Variants in SEC16A observed in about 807,000 individuals in gnomAD.
The protein encoded by SEC16A is protein transport protein Sec16A.
SEC16A carries 110 observed loss-of-function variants against 221.9 expected under a neutral mutation model. The observed-to-expected ratio is 0.50, with a 90% CI of 0.42 to 0.58. The LOEUF (loss-of-function observed/expected upper bound fraction) is 0.58. SEC16A is among the 20% of genes least tolerant of loss of function. The probability of loss-of-function intolerance (pLI) is 0.00; values close to 1 mark genes in which losing one functional copy is unlikely to be tolerated. For missense variants in SEC16A, 3,165 were observed against 3,097.8 expected (o/e 1.02, Z -0.52); for synonymous variants, 1,393 against 1,257.7 (o/e 1.11, Z -2.28).
At chr9:136,448,299 G>C in intron 23 of SEC16A, 138 bp from the exon 24 acceptor site, 1 of 748,762 alleles carries the variant, frequency 1.3e-6, no homozygotes, top group South Asian at 1.5e-5. Context: ...CAGGAGAATG[G>C]AGGTGGGAGC....
chr9:136,475,588 G>C lies in SEC16A; in HGVS notation c.2028C>G (p.Pro676=). Residue 676 remains proline (P), a synonymous_variant, in exon 3 of 32, where the codon CCC becomes CCG. Coordinates refer to ENST00000684901, the MANE Select transcript of SEC16A (RefSeq NM_014866.2). The surrounding 1 kb of genome is among the most constrained non-coding windows in gnomAD (Gnocchi z 5.0). Reference sequence around the variant, plus strand: ...CTTCCGTGGTGGAGTTAAGAGGCAGGGGACAGACCTGGGGTGCACAGAGGG... The same window carrying C: ...CTTCCGTGGTGGAGTTAAGAGGCAGCGGACAGACCTGGGGTGCACAGAGGG... ...METLCAPQVC[P]LPLNSTTEAV... 6.2e-7 allele frequency: 1 copy of C among 1,613,618 alleles called. No individual in the cohort carries two copies. The highest frequency in any genetic ancestry group is 8.5e-7 in the Non-Finnish European group (1 of 1,179,794).
intron 28 of SEC16A, 69 bp downstream of exon 28, chr9:136,446,786 C>A: frequency 6.7e-7 from 1 of 1,486,982 alleles, no homozygotes; most frequent in Admixed American, 2.2e-5. Flanking sequence ...AAGGCAAGGC[C>A]CTGTCTGGCA....
At position 136,464,509 on chromosome 9, in the gene SEC16A, T is replaced by A. The variant is rs1260127521; in HGVS notation, c.4357A>T (p.Arg1453Trp). The change falls in exon 9 of 32, where the codon AGG becomes TGG. Residue 1453 changes from arginine to tryptophan, a missense_variant. This residue lies in a region of SEC16A where 2,030 missense variants were observed against 1,923.1 expected (regional missense o/e 1.06). Transcript: ENST00000684901. ...ATAAGCTGACCGCCAGGGCCAAACC[T>A]GGCACAGACATGAGGCACTGAAAAT... The part of the protein sequence containing the change: ...EKFSVPHVCA[R>W]FGPGGQLIKV... 1 of 1,612,116 alleles carries A rather than the reference T, an allele frequency of 6.2e-7. No homozygotes were observed. The highest frequency in any genetic ancestry group is 1.7e-5 in the Admixed American group (1 of 59,994).
chr9:136,445,217 A>T (rs964320318), intron 29 of SEC16A, 106 bp from the exon 30 acceptor site: 1 of 936,990 alleles, frequency 1.1e-6, no homozygotes, highest in African/African-American at 1.6e-5. Flanking sequence ...TGATGCCATT[A>T]GAATCAACAT....
At chr9:136,449,592 T>A (rs1180139587) in intron 23 of SEC16A, among the ~76,000 whole-genome samples, 1 of 152,188 alleles carries the variant, frequency 6.6e-6, no homozygotes, top group East Asian at 1.9e-4. Context: ...GCGCCCGGCC[T>A]CCCAGAGTGC....
rs771824920 is a variant in SEC16A, at chr9:136,459,017, C to A, written c.5409+117G>T. 1.1e-5 allele frequency: 7 copies of A among 626,798 alleles called. No homozygotes were observed. The highest frequency in any genetic ancestry group is 1.3e-5 in the Non-Finnish European group (5 of 372,970). 38.8% of individuals were successfully genotyped at this position (626,798 alleles called of 1,614,324 possible). On this transcript the variant is annotated intron_variant, in intron 17 of 31. Transcript: ENST00000684901. The surrounding 1 kb of genome is among the most constrained non-coding windows in gnomAD (Gnocchi z 6.1). ...CAAATGTCTTCTCAAGATCCTCCCCCAAAAAACTCACATCATTTTTTTCGA... is the reference window on the plus strand; with the variant it reads ...CAAATGTCTTCTCAAGATCCTCCCCAAAAAAACTCACATCATTTTTTTCGA...
chr9:136,471,669 AG>A (rs1210814799), intron 4 of SEC16A, among the ~76,000 whole-genome samples: 1 of 152,202 alleles, frequency 6.6e-6, no homozygotes. Context: ...CCCCGTCAAG[AG>A]GGGCTCACAG....
At position 136,447,387 on chromosome 9, in the gene SEC16A, T is replaced by C. The variant is rs757577188; in HGVS notation, c.6560-23A>G. On this transcript the variant is annotated intron_variant, in intron 26 of 31. Coordinates refer to ENST00000684901, the MANE Select transcript of SEC16A (RefSeq NM_014866.2). The surrounding 1 kb of genome is among the most constrained non-coding windows in gnomAD (Gnocchi z 5.5). Reference sequence around the variant, plus strand: ...CTGCTGCAAAGGGGAGGGAAGCAAATTGAGGTGAACGCGCCAGGTGGCCTC... The same window carrying C: ...CTGCTGCAAAGGGGAGGGAAGCAAACTGAGGTGAACGCGCCAGGTGGCCTC... The C allele has an allele frequency of 1.3e-5, 20 of 1,594,238 alleles. No homozygotes were observed. Among genetic ancestry groups the C allele is most frequent in the East Asian group, 2.3e-5 (1 of 44,062 alleles).
intron 4 of SEC16A, among the ~76,000 whole-genome samples, chr9:136,469,200 C>T (rs1463249410): frequency 6.6e-6 from 1 of 152,150 alleles, no homozygotes; most frequent in Non-Finnish European, 1.5e-5. Flanking sequence ...AGCCTCGACC[C>T]CAGACCACTG....
At chr9:136,457,982 G>A (rs1311038156) in intron 17 of SEC16A, among the ~76,000 whole-genome samples, 1 of 151,774 alleles carries the variant, frequency 6.6e-6, no homozygotes, top group Non-Finnish European at 1.5e-5. Flanking sequence ...TTTTTGACAG[G>A]GTCTCACTTT....
At chr9:136,471,149 A>C (rs1269466534) in intron 4 of SEC16A, among the ~76,000 whole-genome samples, 2 of 151,642 alleles carry the variant, frequency 1.3e-5, no homozygotes, top group Non-Finnish European at 2.9e-5. Context: ...GCTGGCCTTC[A>C]AGCAGAGGCG....
intron 22 of SEC16A, among the ~76,000 whole-genome samples, chr9:136,453,048 C>A (rs1396952127): frequency 1.5e-5 from 2 of 133,616 alleles, no homozygotes; most frequent in South Asian, 2.3e-4. Flanking sequence ...CAAGCCTGGG[C>A]GACAGAGCAA....
Position 136,447,789 on chromosome 9 carries a change from G to C in SEC16A, c.6447+64C>G, listed in dbSNP as rs1262830739. ...GCAACAGCCACCCAAATATCACAGG[G>C]CCACATGAGGCTGTTCCCTCCACTC... On this transcript the variant is annotated intron_variant, in intron 25 of 31. Transcript: ENST00000684901. The surrounding 1 kb of genome is among the most constrained non-coding windows in gnomAD (Gnocchi z 5.5). The C allele has an allele frequency of 4.5e-6, 7 of 1,551,470 alleles. No homozygotes were observed. The highest frequency in any genetic ancestry group is 6.2e-6 in the Non-Finnish European group (7 of 1,131,746).
chr9:136,466,995 A>G lies in SEC16A; in HGVS notation c.3891T>C (p.Tyr1297=). Residue 1297 remains tyrosine, a synonymous_variant, in exon 6 of 32, where the codon TAT becomes TAC. Transcript: ENST00000684901. This position sits in a 1 kb window ranked among gnomAD's most constrained non-coding sequence, Gnocchi z 5.5. ...CAGAGTGCTCTCTCCTGTATGCGTC[A>G]TACTCTGCATCACACCAATACCTCC... is the stretch of plus-strand genomic sequence containing the variant. ...YDRRYWCDAE[Y]DAYRREHSAF... 6.2e-7 allele frequency: 1 copy of G among 1,613,870 alleles called. No homozygotes were observed. The highest frequency in any genetic ancestry group is 2.2e-5 in the East Asian group (1 of 44,890).
At chr9:136,478,448 C>T (rs866423035) in intron 2 of SEC16A, among the ~76,000 whole-genome samples, 1 of 149,640 alleles carries the variant, frequency 6.7e-6, no homozygotes, top group East Asian at 1.9e-4. Context: ...ACTTTCCATA[C>T]ATGTTAATTT....
At chr9:136,473,925 T>C (rs536980303) in intron 3 of SEC16A, 124 bp downstream of exon 3, 3 of 1,049,696 alleles carry the variant, frequency 2.9e-6, no homozygotes, top group East Asian at 2.5e-5. Context: ...TTCTCACGCC[T>C]GCGGGACTGT....
Position 136,466,629 on chromosome 9 carries a change from G to A in SEC16A, c.3930-167C>T, listed in dbSNP as rs1840199167. On this transcript the variant is annotated intron_variant, in intron 6 of 31. Transcript: ENST00000684901. This position sits in a 1 kb window ranked among gnomAD's most constrained non-coding sequence, Gnocchi z 5.5. Reference sequence around the variant, plus strand: ...TGACGTGCAACGTTAGAGAAGTACTGCGAATGCGTCTCCAGTGTGGTCACT... The same window carrying A: ...TGACGTGCAACGTTAGAGAAGTACTACGAATGCGTCTCCAGTGTGGTCACT... Among the ~76,000 whole-genome samples the A allele has an allele frequency of 6.6e-6, 1 of 152,216 alleles. No individual in the cohort carries two copies. Among genetic ancestry groups the A allele is most frequent in the Admixed American group, 6.5e-5 (1 of 15,292 alleles).
Position 136,465,886 on chromosome 9 carries a change from C to T in SEC16A, c.4303+76G>A. On this transcript the variant is annotated intron_variant, in intron 8 of 31. Coordinates refer to ENST00000684901, the MANE Select transcript of SEC16A (RefSeq NM_014866.2). ...CACAATTCCAATCCCAGCCCTGACT[C>T]CCGTGTTCAGATGCCAGGCTGGGTG... The T allele has an allele frequency of 2.1e-6, 3 of 1,447,500 alleles. No homozygotes were observed. In the South Asian group the frequency reaches 3.8e-5, roughly 18 times the overall value. 89.7% of individuals were successfully genotyped at this position (1,447,500 alleles called of 1,614,324 possible).
intron 4 of SEC16A, among the ~76,000 whole-genome samples, chr9:136,471,610 C>G (rs1840882110): frequency 1.3e-5 from 2 of 152,346 alleles, no homozygotes; most frequent in Admixed American, 6.5e-5. Flanking sequence ...TGCCGTGTCT[C>G]TGGGGAGCCT....
Sources: gnomAD v4.1 joint callset for allele counts (sites outside exome capture counted in the v4.1 genomes callset) on GRCh38, gnomAD v4.1.1 for gene constraint, gnomAD v4.1.1 regional missense constraint, Gnocchi (gnomAD v3.1) non-coding constraint, MANE v1.5 for transcripts, NCBI Gene and HGNC (gene_info 2026-07-23, HGNC 2026-07-21) for gene names.